The following PPP3CA variants were observed in gnomAD, a reference collection of about 807,000 sequenced individuals.
PPP3CA encodes the protein protein phosphatase 3 catalytic subunit alpha.
PPP3CA carries 14 observed loss-of-function variants against 66.5 expected under a neutral mutation model. The observed-to-expected ratio is 0.21, with a 90% CI of 0.14 to 0.33. The LOEUF (loss-of-function observed/expected upper bound fraction) is 0.33, where lower values mean the gene tolerates loss of function less well. PPP3CA is among the 10% of genes least tolerant of loss of function. The pLI is 1.00. For missense variants in PPP3CA, 317 were observed against 639.5 expected (o/e 0.50, Z 5.44); for synonymous variants, 232 against 226.2 (o/e 1.03, Z -0.23).
chr4:101,073,781 T>C (rs1729027576), intron 8 of PPP3CA, among the ~76,000 whole-genome samples: 2 of 152,098 alleles, frequency 1.3e-5, no homozygotes, highest in Non-Finnish European at 2.9e-5. Flanking sequence ...AATTAGGGGT[T>C]GGGGGGATGT....
intron 2 of PPP3CA, 73 bp downstream of exon 2, chr4:101,195,843 T>C (rs144019670): frequency 2.2e-6 from 3 of 1,344,050 alleles, no homozygotes; most frequent in African/African-American, 2.9e-5. Context: ...CACTGGTAAC[T>C]AGGACTTTTG....
At chr4:101,136,840 T>C (rs1722638875) in intron 2 of PPP3CA, among the ~76,000 whole-genome samples, 1 of 152,108 alleles carries the variant, frequency 6.6e-6, no homozygotes, top group Admixed American at 6.6e-5. Context: ...TGTCTGTGTG[T>C]TTTTGAACAA....
At chr4:101,323,928 C>T (rs561631980) in intron 1 of PPP3CA, among the ~76,000 whole-genome samples, 2 of 152,146 alleles carry the variant, frequency 1.3e-5, no homozygotes, top group South Asian at 2.1e-4. Flanking sequence ...GGCTGGCCAA[C>T]ATGGTGAAAC....
At chr4:101,114,722 G>A (rs146689123) in intron 2 of PPP3CA, among the ~76,000 whole-genome samples, 2 of 152,102 alleles carry the variant, frequency 1.3e-5, no homozygotes, top group African/African-American at 4.8e-5. Context: ...CCCTCCATTA[G>A]CCCATTTTAA....
chr4:101,344,557 T>C (rs368485249), intron 1 of PPP3CA, among the ~76,000 whole-genome samples: 1 of 152,164 alleles, frequency 6.6e-6, no homozygotes, highest in Admixed American at 6.5e-5. Context: ...GAGTCTACTA[T>C]CCACATAGTA....
chr4:101,265,770 C>T (rs769439705), intron 1 of PPP3CA, among the ~76,000 whole-genome samples: 23 of 152,100 alleles, frequency 1.5e-4, no homozygotes, highest in Non-Finnish European at 3.4e-4. Context: ...AACTCATTTA[C>T]CCTGATCCCA....
intron 1 of PPP3CA, among the ~76,000 whole-genome samples, chr4:101,207,656 G>A (rs189549666): frequency 7.6e-4 from 115 of 152,140 alleles, no homozygotes; most frequent in Non-Finnish European, 1.2e-3. Flanking sequence ...GTGAAACCCC[G>A]TCTCTACCAA....
chr4:101,190,974 A>G (rs1724582715), intron 2 of PPP3CA, among the ~76,000 whole-genome samples: 1 of 152,204 alleles, frequency 6.6e-6, no homozygotes, highest in Admixed American at 6.5e-5. Context: ...TTAACCCTAC[A>G]ATGCAGAAGT....
intron 2 of PPP3CA, among the ~76,000 whole-genome samples, chr4:101,132,922 C>T (rs1024589347): frequency 6.6e-6 from 1 of 152,170 alleles, no homozygotes. Flanking sequence ...AGCTTCATCC[C>T]TGGGATGCAA....
chr4:101,218,745 C>T (rs926360058), intron 1 of PPP3CA, among the ~76,000 whole-genome samples: 3 of 151,812 alleles, frequency 2.0e-5, no homozygotes, highest in Non-Finnish European at 4.4e-5. Context: ...GCAAACTACT[C>T]TCTGAGAAAA....
At position 101,346,876 on chromosome 4, in the gene PPP3CA, A is replaced by C; in HGVS notation, c.-80T>G. Reference sequence around the variant, plus strand: ...GACCGGACCGGCGGGCCAGACACTCAACGCCGCCGCCGCCGCCGCCGCCGC... The same window carrying C: ...GACCGGACCGGCGGGCCAGACACTCCACGCCGCCGCCGCCGCCGCCGCCGC... On this transcript the variant is annotated 5_prime_UTR_variant, in exon 1 of 14. Coordinates refer to ENST00000394854, the MANE Select transcript of PPP3CA (RefSeq NM_000944.5). 6.1e-6 allele frequency: 8 copies of C among 1,304,422 alleles called. No individual in the cohort carries two copies. Among genetic ancestry groups the C allele is most frequent in the Non-Finnish European group, 8.3e-6 (8 of 969,104 alleles). 80.8% of individuals were successfully genotyped at this position (1,304,422 alleles called of 1,614,324 possible). A position where few individuals can be genotyped will look rare whatever the true frequency, so the allele number is the denominator to read the frequency against.
intron 5 of PPP3CA, among the ~76,000 whole-genome samples, chr4:101,095,610 A>G (rs770707419): frequency 6.6e-6 from 1 of 152,208 alleles, no homozygotes; most frequent in South Asian, 2.1e-4. Context: ...CTTAAAAAAA[A>G]TCCATCAGAT....
intron 2 of PPP3CA, among the ~76,000 whole-genome samples, chr4:101,174,678 T>G (rs558498552): frequency 6.6e-6 from 1 of 152,276 alleles, no homozygotes; most frequent in East Asian, 1.9e-4. Context: ...TAAAAGAATA[T>G]AAAGTCTAAG....
intron 1 of PPP3CA, among the ~76,000 whole-genome samples, chr4:101,304,196 T>C (rs1728466968): frequency 6.6e-6 from 1 of 152,212 alleles, no homozygotes; most frequent in Admixed American, 6.5e-5. Context: ...TAGTCTCTTA[T>C]GTTTTTTCCT....
intron 1 of PPP3CA, among the ~76,000 whole-genome samples, chr4:101,204,765 T>C (rs984969696): frequency 3.3e-5 from 5 of 151,980 alleles, no homozygotes; most frequent in Admixed American, 3.3e-4. Context: ...TTTTGAAATA[T>C]ATGCTACTGA....
intron 1 of PPP3CA, among the ~76,000 whole-genome samples, chr4:101,278,652 T>C (rs1395144607): frequency 6.6e-6 from 1 of 152,232 alleles, no homozygotes; most frequent in Non-Finnish European, 1.5e-5. Context: ...GTGTCGGCAA[T>C]GTTATATATA....
At chr4:101,079,542 C>A (rs1351958716) in intron 8 of PPP3CA, among the ~76,000 whole-genome samples, 1 of 152,042 alleles carries the variant, frequency 6.6e-6, no homozygotes, top group African/African-American at 2.4e-5. Context: ...CCACGGCCAG[C>A]TAATTTTTTG....
rs3730251 is a variant in PPP3CA, at chr4:101,195,926, C to T, written c.249G>A (p.Ala83=). The T allele has an allele frequency of 0.014, 21,985 of 1,613,482 alleles. 1,755 individuals carry two copies. In the African/African-American group the frequency reaches 0.21, roughly 15 times the overall value. The change falls in exon 2 of 14, where the codon GCG becomes GCA. Residue 83 remains alanine, a synonymous_variant. Transcript: ENST00000394854. ...CTCCTCAGGACTTACCAGTGACTGGCGCATCAATATCCAGCAAATTTTTTT... is the reference window on the plus strand; with the variant it reads ...CTCCTCAGGACTTACCAGTGACTGGTGCATCAATATCCAGCAAATTTTTTT... ...RQEKNLLDID[A]PVTVCGDIHG... is the part of the protein sequence containing the mutation.
intron 1 of PPP3CA, among the ~76,000 whole-genome samples, chr4:101,299,194 C>A (rs1275712615): frequency 7.4e-6 from 1 of 134,350 alleles, no homozygotes; most frequent in African/African-American, 2.9e-5. Flanking sequence ...CTCAAGTGAT[C>A]CTCCCGTCTC....
Sources: allele counts gnomAD v4.1 joint callset (sites outside exome capture counted in the v4.1 genomes callset), GRCh38; gene constraint gnomAD v4.1.1; transcripts MANE v1.5; gene names NCBI Gene and HGNC (gene_info 2026-07-23, HGNC 2026-07-21).